The following PEBP4 variants were observed in gnomAD, a reference collection of about 807,000 sequenced individuals.
The protein encoded by PEBP4 is phosphatidylethanolamine binding protein 4.
Under a neutral mutation model 23.9 loss-of-function variants are expected in PEBP4, and 22 were observed. That is an observed-to-expected ratio of 0.92 (90% CI 0.66 to 1.31). PEBP4 has a LOEUF of 1.31. PEBP4 is among the 40% of genes most tolerant of loss of function. The pLI, the probability that PEBP4 is intolerant of heterozygous loss-of-function variation, is 0.00. For synonymous variants in PEBP4, 112 were observed against 99.3 expected, an observed-to-expected ratio of 1.13 and a Z score of -0.76; for missense variants, 324 against 281.7, an observed-to-expected ratio of 1.15 and a Z score of -1.07.
chr8:22,893,912 T>C lies in PEBP4; in HGVS notation c.258+26272A>G, dbSNP rs146193465. On this transcript the variant is annotated intron_variant, in intron 3 of 6. Coordinates refer to ENST00000256404, the MANE Select transcript of PEBP4 (RefSeq NM_144962.3). Reference sequence around the variant, plus strand: ...TAGAAGACATAATGGCTGAAAAATGTCTTAATTTGATGAAAACTGTAAACC... The same window carrying C: ...TAGAAGACATAATGGCTGAAAAATGCCTTAATTTGATGAAAACTGTAAACC... Among the ~76,000 whole-genome samples the C allele has an allele frequency of 4.9e-3, 750 of 152,188 alleles. 4 individuals are homozygous for C. The highest frequency in any genetic ancestry group is 7.4e-3 in the Non-Finnish European group (503 of 68,016).
chr8:22,938,177 A>G (rs1809565824), intron 1 of PEBP4, among the ~76,000 whole-genome samples: 1 of 152,084 alleles, frequency 6.6e-6, no homozygotes, highest in Non-Finnish European at 1.5e-5. Context: ...AATCCCAGGA[A>G]CTGGTGTTCT....
intron 4 of PEBP4, among the ~76,000 whole-genome samples, chr8:22,810,940 C>A (rs1418682765): frequency 1.3e-5 from 2 of 150,896 alleles, no homozygotes; most frequent in African/African-American, 2.4e-5. Context: ...ACAGCATTTT[C>A]TTTCTCTTTC....
intron 4 of PEBP4, among the ~76,000 whole-genome samples, chr8:22,735,024 C>T (rs771343930): frequency 7.9e-5 from 12 of 152,254 alleles, no homozygotes; most frequent in Admixed American, 1.3e-4. Flanking sequence ...AATGTCACAC[C>T]GTCTTGCAGC....
At chr8:22,828,443 A>C (rs908092134) in intron 3 of PEBP4, among the ~76,000 whole-genome samples, 2 of 152,106 alleles carry the variant, frequency 1.3e-5, no homozygotes, top group South Asian at 2.1e-4. Flanking sequence ...TTTGCTCTGG[A>C]ACTGCCACTG....
In PEBP4 at chr8:22,752,206, G is replaced by A. The variant is rs115816903; in HGVS notation, c.358-24986C>T. 7.7e-3 allele frequency among the ~76,000 whole-genome samples: 1,169 copies of A among 152,248 alleles called. 13 individuals carry two copies. Among genetic ancestry groups the A allele is most frequent in the African/African-American group, 0.027 (1,111 of 41,524 alleles). On this transcript the variant is annotated intron_variant, in intron 4 of 6. Coordinates refer to ENST00000256404, the MANE Select transcript of PEBP4 (RefSeq NM_144962.3). The stretch of plus-strand genomic sequence containing the variant: ...TCACAGGCGTGAGCCACCCTGTCTG[G>A]TCCCATCCTCCCTGTCTGTTACATT...
chr8:22,939,646 C>T (rs1013622800), intron 1 of PEBP4, among the ~76,000 whole-genome samples: 1 of 151,440 alleles, frequency 6.6e-6, no homozygotes, highest in Non-Finnish European at 1.5e-5. Context: ...TTCCTTCTAC[C>T]AAGCAGAAGG....
intron 4 of PEBP4, among the ~76,000 whole-genome samples, chr8:22,745,020 A>C (rs1805083454): frequency 1.3e-5 from 2 of 152,062 alleles, no homozygotes; most frequent in Non-Finnish European, 1.5e-5. Flanking sequence ...TTCATAGTCT[A>C]ATGTTCTTTT....
intron 3 of PEBP4, chr8:22,885,570 C>T (rs1017819190): frequency 6.6e-6 from 1 of 152,198 alleles, no homozygotes; most frequent in Non-Finnish European, 1.5e-5. Context: ...CTGCCTGAAG[C>T]AAAGGAGCTG....
chr8:22,795,164 T>TATATATATATATATATATATATATATA (rs1491200518), intron 4 of PEBP4, among the ~76,000 whole-genome samples: 1 of 17,536 alleles, frequency 5.7e-5, no homozygotes, highest in African/African-American at 3.3e-4. Context: ...TATATATATA[T>TATATATATATATATATATATATATATA]TTTTTTTTTT....
intron 3 of PEBP4, among the ~76,000 whole-genome samples, chr8:22,858,601 G>GA: frequency 6.6e-6 from 1 of 152,142 alleles, no homozygotes; most frequent in East Asian, 1.9e-4. Context: ...TCTTAGAGAT[G>GA]AAAAAACTGA....
At position 22,867,470 on chromosome 8, in the gene PEBP4, A is replaced by G. The variant is rs561655665; in HGVS notation, c.259-49735T>C. Among the ~76,000 whole-genome samples, 17 of 152,264 alleles carry G rather than the reference A, an allele frequency of 1.1e-4. No homozygotes were observed. In the East Asian group the frequency reaches 2.5e-3, roughly 22 times the overall value. The stretch of plus-strand genomic sequence containing the variant: ...AGAGGTCTCCTTAGCACACCAGCTT[A>G]TTAAAGCACTAGATTTTCAGGTTGC... On this transcript the variant is annotated intron_variant, in intron 3 of 6. Coordinates refer to ENST00000256404, the MANE Select transcript of PEBP4 (RefSeq NM_144962.3).
At chr8:22,791,651 C>T (rs1417937527) in intron 4 of PEBP4, among the ~76,000 whole-genome samples, 4 of 152,178 alleles carry the variant, frequency 2.6e-5, no homozygotes, top group Admixed American at 1.3e-4. Context: ...ACAAGGCAGC[C>T]GCGGAAGTGT....
In PEBP4 at chr8:22,729,744, C is replaced by T. The variant is rs1048803118; in HGVS notation, c.358-2524G>A. 5.9e-5 allele frequency among the ~76,000 whole-genome samples: 9 copies of T among 152,310 alleles called. No individual in the cohort carries two copies. The East Asian group carries it at 1.4e-3, about 23-fold the overall frequency. ...CAGGTCCCCCCTGGAGCTGATCCCA[C>T]GGACAGGTGCTGGTCCTCACTGGCA... is the stretch of plus-strand genomic sequence containing the variant. On this transcript the variant is annotated intron_variant, in intron 4 of 6. Coordinates refer to ENST00000256404, the MANE Select transcript of PEBP4 (RefSeq NM_144962.3).
intron 3 of PEBP4, among the ~76,000 whole-genome samples, chr8:22,860,194 A>ATATATATATACACATATATATGTG (rs1807744631): frequency 6.1e-5 from 6 of 97,590 alleles, no homozygotes; most frequent in Non-Finnish European, 9.2e-5. Context: ...ATATATATGT[A>ATATATATATACACATATATATGTG]TATATATATA....
At chr8:22,733,047 A>G (rs936828329) in intron 4 of PEBP4, among the ~76,000 whole-genome samples, 4 of 152,214 alleles carry the variant, frequency 2.6e-5, no homozygotes, top group Non-Finnish European at 5.9e-5. Context: ...GTCTATCCCC[A>G]CCGCTATTGC....
At chr8:22,872,703 G>GTCTT (rs1040484799) in intron 3 of PEBP4, among the ~76,000 whole-genome samples, 10 of 151,964 alleles carry the variant, frequency 6.6e-5, no homozygotes, top group African/African-American at 2.2e-4. Context: ...TTGAGACAGA[G>GTCTT]TCTTGCTCTG....
chr8:22,776,482 G>A (rs117474708), intron 4 of PEBP4, among the ~76,000 whole-genome samples: 2,814 of 151,972 alleles, frequency 0.019, 36 homozygotes, highest in Non-Finnish European at 0.028. Flanking sequence ...GGGCCTCCTG[G>A]TTACGCCATC....
At chr8:22,915,478 T>G (rs1024919170) in intron 3 of PEBP4, among the ~76,000 whole-genome samples, 1 of 144,662 alleles carries the variant, frequency 6.9e-6, no homozygotes, top group African/African-American at 2.6e-5. Context: ...ACTGACACCC[T>G]GTGTCCCCAT....
intron 3 of PEBP4, among the ~76,000 whole-genome samples, chr8:22,857,977 G>A (rs1363932273): frequency 6.6e-6 from 1 of 152,174 alleles, no homozygotes; most frequent in East Asian, 1.9e-4. Flanking sequence ...ACCGTCCATG[G>A]GGCAAACTCT....
Sources: allele counts gnomAD v4.1 joint callset (sites outside exome capture counted in the v4.1 genomes callset), GRCh38; gene constraint gnomAD v4.1.1; transcripts MANE v1.5; gene names NCBI Gene and HGNC (gene_info 2026-07-23, HGNC 2026-07-21).